Variants in SYNPO2L observed in about 807,000 individuals in gnomAD.
SYNPO2L encodes synaptopodin 2 like.
A neutral mutation model predicts 47.5 loss-of-function variants in SYNPO2L; 34 were observed. The ratio of observed to expected loss-of-function variants is 0.72; its 90% CI spans 0.54 to 0.95. SYNPO2L has a LOEUF of 0.95. Ranked by LOEUF, SYNPO2L falls within the 40% of genes least tolerant of loss-of-function variation. The probability of loss-of-function intolerance (pLI) is 0.00; values close to 1 mark genes in which losing one functional copy is unlikely to be tolerated. For synonymous variants in SYNPO2L, 536 were observed against 524.9 expected, an observed-to-expected ratio of 1.02 and a Z score of -0.29; for missense variants, 1,246 against 1,282.0, an observed-to-expected ratio of 0.97 and a Z score of 0.43.
At position 73,653,319 on chromosome 10, in the gene SYNPO2L, G is replaced by A. The variant is rs941267340; in HGVS notation, c.592C>T (p.Arg198Cys). The change falls in exon 3 of 4, where the codon CGT (arginine) becomes TGT (cysteine). Residue 198 changes from arginine to cysteine, a missense_variant. Arg to Cys is a radical substitution (Grantham distance 180). Transcript: ENST00000394810. Reference protein sequence around the residue: ...IPGPPSQGDSRVSSPSWEDGA... With the variant: ...IPGPPSQGDSCVSSPSWEDGA... ...TCCTCCCAAGACGGGGAGCTCACAC[G>A]GCTGTCACCCTGGCTGGGAGGGCCA... 8 of 1,551,584 alleles carry A rather than the reference G, an allele frequency of 5.2e-6. No individual in the cohort carries two copies. Among genetic ancestry groups the A allele is most frequent in the Non-Finnish European group, 7.0e-6 (8 of 1,146,964 alleles).
In SYNPO2L at chr10:73,646,686, C is replaced by T. The variant is rs1360135153; in HGVS notation, c.*32G>A. 4.2e-6 allele frequency: 6 copies of T among 1,419,630 alleles called. No homozygotes were observed. Among genetic ancestry groups the T allele is most frequent in the Non-Finnish European group, 5.5e-6 (6 of 1,082,328 alleles). 87.9% of individuals were successfully genotyped at this position (1,419,630 alleles called of 1,614,324 possible). Reference sequence around the variant, plus strand: ...AAGCAACTTTAGGAACTGGATGTTCCACCTCTCCTTGGTCCTGGGACCTGT... The same window carrying T: ...AAGCAACTTTAGGAACTGGATGTTCTACCTCTCCTTGGTCCTGGGACCTGT... On this transcript the variant is annotated 3_prime_UTR_variant, in exon 4 of 4. Coordinates refer to ENST00000394810, the MANE Select transcript of SYNPO2L (RefSeq NM_001114133.3).
Position 73,646,593 on chromosome 10 carries a change from G to T in SYNPO2L, c.*125C>A. The T allele has an allele frequency of 7.5e-7, 1 of 1,331,964 alleles. No homozygotes were observed. The highest frequency in any genetic ancestry group is 2.7e-5 in the East Asian group (1 of 36,830). 82.5% of individuals were successfully genotyped at this position (1,331,964 alleles called of 1,614,324 possible). A position where few individuals can be genotyped will look rare whatever the true frequency, so the allele number is the denominator to read the frequency against. ...AGGTGGGGGAAGGGGACATCAACTT[G>T]GAAACCATCTCTGGCAGGAGGCAAT... On this transcript the variant is annotated 3_prime_UTR_variant, in exon 4 of 4. Transcript: ENST00000394810.
chr10:73,647,264 G>A lies in SYNPO2L; in HGVS notation c.2388C>T (p.Pro796=). Residue 796 remains proline, a synonymous_variant, in exon 4 of 4, where the codon CCC becomes CCT. Coordinates refer to ENST00000394810, the MANE Select transcript of SYNPO2L (RefSeq NM_001114133.3). ...TGTTGGGTGAATATTTCCAGGAAGGGGGCAGAGACGGGGTAGGAGAAGGAC... is the reference window on the plus strand; with the variant it reads ...TGTTGGGTGAATATTTCCAGGAAGGAGGCAGAGACGGGGTAGGAGAAGGAC... ...PRSPSPTPSL[P]PSWKYSPNIR... 3 of 1,614,046 alleles carry A rather than the reference G, an allele frequency of 1.9e-6. No homozygotes were observed. The highest frequency in any genetic ancestry group is 3.3e-4 in the Middle Eastern group (2 of 6,062).
At position 73,647,824 on chromosome 10, in the gene SYNPO2L, G is replaced by T. The variant is rs1300309422; in HGVS notation, c.1828C>A (p.Arg610Ser). The change falls in exon 4 of 4, where the codon CGC becomes AGC. Residue 610 changes from arginine to serine, a missense_variant. Around this residue, in one of 3 missense-constraint regions of SYNPO2L, gnomAD observed 1,037 missense variants for 1,021.5 expected, o/e 1.02. Coordinates refer to ENST00000394810, the MANE Select transcript of SYNPO2L (RefSeq NM_001114133.3). ...GPGAPEPPSA[R>S]EQRISVPAAR... ...GCTGGCACAGAGATGCGCTGCTCGC[G>T]AGCGCTGGGGGGCTCAGGAGCCCCT... 1.3e-6 allele frequency: 2 copies of T among 1,584,204 alleles called. No homozygotes were observed. The highest frequency in any genetic ancestry group is 1.7e-6 in the Non-Finnish European group (2 of 1,164,616).
chr10:73,648,624 G>T lies in SYNPO2L; in HGVS notation c.1028C>A (p.Ala343Asp), dbSNP rs1425065736. 2 of 1,613,842 alleles carry T rather than the reference G, an allele frequency of 1.2e-6. No individual in the cohort carries two copies. The highest frequency in any genetic ancestry group is 1.3e-5 in the African/African-American group (1 of 74,930). ...SELDEEAFSD[A>D]RSLTNQSDWD... ...GTCAGATTGATTGGTGAGGCTGCGG[G>T]CGTCAGAGAAGGCTTCTTCGTCCAG... The change falls in exon 4 of 4, where the codon GCC becomes GAC. Residue 343 changes from alanine (A) to aspartate (D), a missense_variant. By Grantham distance (126) the Ala-to-Asp change is moderately radical. Coordinates refer to ENST00000394810, the MANE Select transcript of SYNPO2L (RefSeq NM_001114133.3).
At chr10:73,651,756 C>T (rs2081842610) in intron 3 of SYNPO2L, among the ~76,000 whole-genome samples, 1 of 152,130 alleles carries the variant, frequency 6.6e-6, no homozygotes, top group Admixed American at 6.5e-5. Flanking sequence ...ACTGAACTTG[C>T]AAATGTCAAA....
intron 3 of SYNPO2L, among the ~76,000 whole-genome samples, chr10:73,652,011 G>T (rs1272913741): frequency 2.7e-5 from 4 of 146,314 alleles, no homozygotes; most frequent in Non-Finnish European, 6.0e-5. Context: ...GGAGGTGGAG[G>T]GTGCAGTGAA....
In SYNPO2L at chr10:73,647,232, G is replaced by A. The variant is rs747870843; in HGVS notation, c.2420C>T (p.Ala807Val). The A allele has an allele frequency of 8.1e-6, 13 of 1,613,904 alleles. No homozygotes were observed. The South Asian group carries it at 1.3e-4, about 16-fold the overall frequency. ...PSWKYSPNIR[A>V]PPPIAYNPLL... is the part of the protein sequence containing the mutation. ...TGGGTTGTAAGCAATAGGAGGCGGG[G>A]CACGGATGTTGGGTGAATATTTCCA... The change falls in exon 4 of 4, where the codon GCC becomes GTC. Residue 807 changes from alanine (A) to valine (V), a missense_variant. Ala to Val is a moderately conservative substitution (Grantham distance 64). Coordinates refer to ENST00000394810, the MANE Select transcript of SYNPO2L (RefSeq NM_001114133.3).
chr10:73,648,416 G>C lies in SYNPO2L; in HGVS notation c.1236C>G (p.Ala412=). The C allele has an allele frequency of 1.9e-6, 3 of 1,608,102 alleles. No individual in the cohort carries two copies. Among genetic ancestry groups the C allele is most frequent in the Non-Finnish European group, 2.5e-6 (3 of 1,179,836 alleles). The part of the protein sequence containing the change: ...TQELARVEPA[A]MLNGEGLQSP... ...ACTGCAGGCCTTCCCCGTTGAGCAT[G>C]GCTGCTGGTTCGACCCGTGCCAGTT... is the stretch of plus-strand genomic sequence containing the variant. Residue 412 remains alanine (A), a synonymous_variant, in exon 4 of 4, where the codon GCC becomes GCG. Transcript: ENST00000394810.
intron 1 of SYNPO2L, 101 bp from the exon 2 acceptor site, chr10:73,654,381 C>G: frequency 6.8e-7 from 1 of 1,462,016 alleles, no homozygotes; most frequent in South Asian, 1.3e-5. Context: ...TTTTACTTTG[C>G]AGGGTAAGAA....
chr10:73,647,719 TC>T lies in SYNPO2L; in HGVS notation c.1932del (p.Lys645ArgfsTer33). 6.2e-7 allele frequency: 1 copy of T among 1,614,052 alleles called. No homozygotes were observed. The highest frequency in any genetic ancestry group is 8.5e-7 in the Non-Finnish European group (1 of 1,179,954). ...AGCAGCTCGGGGTTGGGCGAGTTCT[TC>T]GTCTCCTCCTTTCCCGGCCGGAACA... The part of the protein sequence containing the change: ...KQMFRPGKEE[T>X]KNSPNPELLS... On this transcript the variant is annotated frameshift_variant, in exon 4 of 4. Coordinates refer to ENST00000394810, the MANE Select transcript of SYNPO2L (RefSeq NM_001114133.3). LOFTEE classifies it high-confidence loss of function.
chr10:73,645,382 C>A lies in SYNPO2L; in HGVS notation c.*1336G>T, dbSNP rs138190774. 3.0e-4 allele frequency: 308 copies of A among 1,020,140 alleles called. 2 individuals carry two copies. The African/African-American group carries it at 4.4e-3, about 15-fold the overall frequency. 63.2% of individuals were successfully genotyped at this position (1,020,140 alleles called of 1,614,324 possible). On this transcript the variant is annotated 3_prime_UTR_variant, in exon 4 of 4. Transcript: ENST00000394810. ...TCCCTCGCCACACTTCTGTCTGTGG[C>A]TCAATCACTTACACTCATTTCTGCC...
In SYNPO2L at chr10:73,645,984, C is replaced by T; in HGVS notation, c.*734G>A. 2 of 869,436 alleles carry T rather than the reference C, an allele frequency of 2.3e-6. No homozygotes were observed. Among genetic ancestry groups the T allele is most frequent in the Non-Finnish European group, 2.8e-6 (2 of 723,716 alleles). The allele number at this position is 869,436 out of a possible 1,614,324, so 53.9% of individuals were successfully genotyped here. On this transcript the variant is annotated 3_prime_UTR_variant, in exon 4 of 4. Transcript: ENST00000394810. ...GGACTACAGGCGCTCGCCACCACGCCCAGCTAATTTTTTGTATTTTTAGTG... is the reference window on the plus strand; with the variant it reads ...GGACTACAGGCGCTCGCCACCACGCTCAGCTAATTTTTTGTATTTTTAGTG...
chr10:73,645,730 G>A lies in SYNPO2L; in HGVS notation c.*988C>T, dbSNP rs2081739667. 14 of 985,912 alleles carry A rather than the reference G, an allele frequency of 1.4e-5. No individual in the cohort carries two copies. Among genetic ancestry groups the A allele is most frequent in the African/African-American group, 1.7e-5 (1 of 57,358 alleles). The allele number at this position is 985,912 out of a possible 1,614,324, so 61.1% of individuals were successfully genotyped here. ...TGCTACAGACATTGGTCTCTAAGGA[G>A]TTATTCTCTAGTGAATCTCTTTCTC... On this transcript the variant is annotated 3_prime_UTR_variant, in exon 4 of 4. Coordinates refer to ENST00000394810, the MANE Select transcript of SYNPO2L (RefSeq NM_001114133.3).
chr10:73,651,161 C>T (rs1275601390), intron 3 of SYNPO2L: 1 of 1,201,346 alleles, frequency 8.3e-7, no homozygotes, highest in Non-Finnish European at 1.1e-6. Flanking sequence ...GGCTGCCCCA[C>T]AAGTGCCGGT....
Position 73,648,171 on chromosome 10 carries a change from C to T in SYNPO2L, c.1481G>A (p.Arg494Lys), listed in dbSNP as rs765884312. The T allele has an allele frequency of 1.3e-6, 2 of 1,558,460 alleles. No individual in the cohort carries two copies. The highest frequency in any genetic ancestry group is 2.4e-5 in the South Asian group (2 of 82,880). The change falls in exon 4 of 4, where the codon AGG becomes AAG. Residue 494 changes from arginine (R) to lysine (K), a missense_variant. Around this residue, in one of 3 missense-constraint regions of SYNPO2L, gnomAD observed 1,037 missense variants for 1,021.5 expected, o/e 1.02. Transcript: ENST00000394810. ...SVIFRPLAPK[R>K]ANDSLGGLSP... Reference sequence around the variant, plus strand: ...GAGGCCCCCCAGGCTGTCGTTCGCCCTTTTGGGGGCTAAAGGCCGGAAAAT... The same window carrying T: ...GAGGCCCCCCAGGCTGTCGTTCGCCTTTTTGGGGGCTAAAGGCCGGAAAAT...
At chr10:73,651,976 G>A (rs192716979) in intron 3 of SYNPO2L, among the ~76,000 whole-genome samples, 9 of 147,732 alleles carry the variant, frequency 6.1e-5, no homozygotes, top group Middle Eastern at 3.5e-3. Context: ...TCGGGAGGCT[G>A]AGGCAGGAGA....
At position 73,650,974 on chromosome 10, in the gene SYNPO2L, G is replaced by GGGGCTCTTGGCTGAT. The variant is rs773504303; in HGVS notation, c.773-2110_773-2096dup. On this transcript the variant is annotated intron_variant, in intron 3 of 3. Transcript: ENST00000394810. ...GCTTTGTCATAGCTGGCTTGGCTGA[G>GGGGCTCTTGGCTGAT]GGGCTCTTGGCTGATGGGCTCAAAG... The GGGGCTCTTGGCTGAT allele has an allele frequency of 5.7e-5, 92 of 1,613,782 alleles. 1 individual carries two copies. In the South Asian group the frequency reaches 8.2e-4, roughly 14 times the overall value.
At chr10:73,652,056 G>A (rs1589454864) in intron 3 of SYNPO2L, among the ~76,000 whole-genome samples, 3 of 87,902 alleles carry the variant, frequency 3.4e-5, no homozygotes, top group Admixed American at 1.8e-4. Flanking sequence ...GACAGTGCAA[G>A]ACTCTATCTC....
Sources: gnomAD v4.1 joint callset for allele counts (sites outside exome capture counted in the v4.1 genomes callset) on GRCh38, gnomAD v4.1.1 for gene constraint, gnomAD v4.1.1 regional missense constraint, MANE v1.5 for transcripts, NCBI Gene and HGNC (gene_info 2026-07-23, HGNC 2026-07-21) for gene names.